Variants in SPHKAP observed in about 807,000 individuals in gnomAD.
SPHKAP encodes the protein SPHK1 interactor, AKAP domain containing, also known as A-kinase anchor protein SPHKAP.
Under a neutral mutation model 137.5 loss-of-function variants are expected in SPHKAP, and 67 were observed. The ratio of observed to expected loss-of-function variants is 0.49; its 90% CI spans 0.40 to 0.60. The LOEUF (loss-of-function observed/expected upper bound fraction) is 0.60. Ranked by LOEUF, SPHKAP falls within the 20% of genes least tolerant of loss-of-function variation. SPHKAP has a pLI of 0.00. For missense variants in SPHKAP, 2,097 were observed against 2,069.3 expected, an observed-to-expected ratio of 1.01 and a Z score of -0.26; for synonymous variants, 813 against 785.3, an observed-to-expected ratio of 1.04 and a Z score of -0.59.
In SPHKAP at chr2:228,108,925, A is replaced by G. The variant is rs1248006491; in HGVS notation, c.153T>C (p.Asn51=). The G allele has an allele frequency of 3.1e-5, 50 of 1,598,922 alleles. No homozygotes were observed. Among genetic ancestry groups the G allele is most frequent in the East Asian group, 9.2e-5 (4 of 43,450 alleles). The change falls in exon 3 of 12, where the codon AAT becomes AAC. Residue 51 remains asparagine (N), a synonymous_variant. Coordinates refer to ENST00000392056, the MANE Select transcript of SPHKAP (RefSeq NM_001142644.2). The part of the protein sequence containing the change: ...ITACKKVLRS[N]SLLESTDYWL... ...AGTAGTCTGTTGACTCCAGCAGGCTATTGCTGCGAAGAACCTGGAGGAACC... is the reference window on the plus strand; with the variant it reads ...AGTAGTCTGTTGACTCCAGCAGGCTGTTGCTGCGAAGAACCTGGAGGAACC...
intron 3 of SPHKAP, among the ~76,000 whole-genome samples, chr2:228,067,908 A>C (rs1036185734): frequency 6.6e-6 from 1 of 152,226 alleles, no homozygotes; most frequent in African/African-American, 2.4e-5. Flanking sequence ...AAAGAAATCA[A>C]GGGTATCCAA....
intron 1 of SPHKAP, among the ~76,000 whole-genome samples, chr2:228,133,852 CTGTG>C (rs1345659775): frequency 2.0e-5 from 3 of 152,162 alleles, no homozygotes; most frequent in Non-Finnish European, 4.4e-5. Flanking sequence ...ACTGACTGTG[CTGTG>C]TAACAAATCA....
intron 1 of SPHKAP, among the ~76,000 whole-genome samples, chr2:228,165,013 G>T (rs917297353): frequency 6.6e-6 from 1 of 152,094 alleles, no homozygotes; most frequent in African/African-American, 2.4e-5. Flanking sequence ...CATTTCAGCT[G>T]ATATTATCTG....
chr2:228,068,826 T>C (rs1473794653), intron 3 of SPHKAP, among the ~76,000 whole-genome samples: 1 of 152,248 alleles, frequency 6.6e-6, no homozygotes, highest in Non-Finnish European at 1.5e-5. Flanking sequence ...GCAAATGCCC[T>C]TTATGCAGCT....
chr2:227,990,198 CCTTGTAAAACCTAAAGCAAAGATTA>C (rs1693365534), intron 11 of SPHKAP, among the ~76,000 whole-genome samples: 2 of 152,300 alleles, frequency 1.3e-5, no homozygotes, highest in Admixed American at 1.3e-4. Context: ...TTAATTTCCA[CCTTGTAAAACCTAAAGCAAAGATTA>C]CAGTAGAACT....
chr2:228,017,093 G>C lies in SPHKAP; in HGVS notation c.3761C>G (p.Pro1254Arg), dbSNP rs1280671324. The change falls in exon 7 of 12, where the codon CCC (proline) becomes CGC (arginine). Residue 1254 changes from proline (P) to arginine (R), a missense_variant. By Grantham distance (103) the Pro-to-Arg change is moderately radical (BLOSUM62 -2). Coordinates refer to ENST00000392056, the MANE Select transcript of SPHKAP (RefSeq NM_001142644.2). ...GCCATCTAAAGAGTTGGCTTTGATG[G>C]GCACATTCACTGTCAGCCTGGAGCA... ...SPCSRLTVNV[P>R]IKANSLDGFA... 4 of 1,613,984 alleles carry C rather than the reference G, an allele frequency of 2.5e-6. No homozygotes were observed. In the African/African-American group the frequency reaches 4.0e-5, roughly 16 times the overall value.
chr2:228,095,000 C>T (rs1017883432), intron 3 of SPHKAP, among the ~76,000 whole-genome samples: 1 of 152,046 alleles, frequency 6.6e-6, no homozygotes, highest in Non-Finnish European at 1.5e-5. Context: ...GCTGAAAACA[C>T]ATAGCCAGAA....
intron 8 of SPHKAP, chr2:227,993,882 G>T (rs965606165): frequency 4.9e-6 from 1 of 202,686 alleles, no homozygotes; most frequent in African/African-American, 2.4e-5. Flanking sequence ...ACTTTCTGAA[G>T]TGGTATCACA....
Position 228,016,450 on chromosome 2 carries a change from C to G in SPHKAP, c.4404G>C (p.Val1468=), listed in dbSNP as rs1694594241. The G allele has an allele frequency of 6.2e-7, 1 of 1,610,826 alleles. No homozygotes were observed. Among genetic ancestry groups the G allele is most frequent in the African/African-American group, 1.3e-5 (1 of 74,582 alleles). The change falls in exon 7 of 12, where the codon GTG becomes GTC. Residue 1468 remains valine, a synonymous_variant. Coordinates refer to ENST00000392056, the MANE Select transcript of SPHKAP (RefSeq NM_001142644.2). The part of the protein sequence containing the change: ...GHSNDKNIPD[V]VRGGDTAVSA... ...TCACGGCTGTGTCTCCACCTCTCAC[C>G]ACATCTGGGATGTTTTTGTCATTCG...
chr2:227,988,178 G>GT (rs1182565340), intron 11 of SPHKAP, among the ~76,000 whole-genome samples: 5 of 151,878 alleles, frequency 3.3e-5, no homozygotes, highest in African/African-American at 7.3e-5. Flanking sequence ...TTGCTTAAGG[G>GT]TTTTTTTTCT....
chr2:228,042,706 C>T (rs1259015625), intron 3 of SPHKAP, among the ~76,000 whole-genome samples: 4 of 152,110 alleles, frequency 2.6e-5, no homozygotes, highest in African/African-American at 9.7e-5. Context: ...ATTTTTTCTG[C>T]CACCCAATTT....
rs564208630 is a variant in SPHKAP at position 228,169,522 on chromosome 2, G to C, written c.32+12045C>G. Among the ~76,000 whole-genome samples, 29 of 152,180 alleles carry C rather than the reference G, an allele frequency of 1.9e-4. 1 individual carries two copies. The South Asian group carries it at 5.0e-3, about 26-fold the overall frequency. Reference sequence around the variant, plus strand: ...AGCATGTCTGTTTACAGCACAGTTTGCTGTTTATTTTAAGCCCACTGAGAC... The same window carrying C: ...AGCATGTCTGTTTACAGCACAGTTTCCTGTTTATTTTAAGCCCACTGAGAC... On this transcript the variant is annotated intron_variant, in intron 1 of 11. Transcript: ENST00000392056.
At chr2:228,125,349 A>G (rs1432996690) in intron 2 of SPHKAP, among the ~76,000 whole-genome samples, 2 of 152,226 alleles carry the variant, frequency 1.3e-5, no homozygotes, top group African/African-American at 4.8e-5. Context: ...TGCATGCTAC[A>G]TTTACATCCA....
intron 2 of SPHKAP, among the ~76,000 whole-genome samples, chr2:228,119,565 G>A (rs372835927): frequency 2.7e-5 from 4 of 148,578 alleles, no homozygotes; most frequent in Admixed American, 2.1e-4. Context: ...TTTAGCTTAC[G>A]CCATAGCAAA....
intron 2 of SPHKAP, chr2:228,131,297 G>C (rs1049814611): frequency 2.0e-6 from 2 of 985,078 alleles, no homozygotes; most frequent in South Asian, 4.7e-5. Flanking sequence ...ATTGGGATGA[G>C]AAGAAACATA....
At chr2:228,075,713 G>A (rs187712985) in intron 3 of SPHKAP, among the ~76,000 whole-genome samples, 4 of 152,230 alleles carry the variant, frequency 2.6e-5, no homozygotes, top group East Asian at 1.9e-4. Flanking sequence ...TAAGTCATGC[G>A]GAAATGCTGC....
intron 3 of SPHKAP, among the ~76,000 whole-genome samples, chr2:228,082,701 G>C (rs950773392): frequency 6.6e-6 from 1 of 152,124 alleles, no homozygotes; most frequent in East Asian, 1.9e-4. Context: ...CCCCTGGGTG[G>C]ATTATTCTTG....
intron 3 of SPHKAP, among the ~76,000 whole-genome samples, chr2:228,100,800 T>TTTG (rs531326490): frequency 9.2e-5 from 14 of 152,020 alleles, no homozygotes; most frequent in South Asian, 8.3e-4. Context: ...TGGCATGCAG[T>TTTG]TTGTTGTTGT....
chr2:227,988,065 C>T (rs988008352), intron 11 of SPHKAP, among the ~76,000 whole-genome samples: 3 of 152,292 alleles, frequency 2.0e-5, no homozygotes, highest in South Asian at 2.1e-4. Context: ...AGCTCTCTTT[C>T]GTACACCACT....
Sources: allele counts gnomAD v4.1 joint callset (sites outside exome capture counted in the v4.1 genomes callset), GRCh38; gene constraint gnomAD v4.1.1; transcripts MANE v1.5; gene names NCBI Gene and HGNC (gene_info 2026-07-23, HGNC 2026-07-21).